The following NRXN3 variants were observed in gnomAD, a reference collection of about 807,000 sequenced individuals.
NRXN3 encodes neurexin 3, also known as neurexin III.
A neutral mutation model predicts 137.6 loss-of-function variants in NRXN3; 32 were observed. The observed-to-expected ratio is 0.23, with a 90% confidence interval of 0.18 to 0.31. The LOEUF is 0.31. Among genes scored for constraint, NRXN3 ranks in the 10% least tolerant of loss-of-function variants. The probability of loss-of-function intolerance (pLI) is 1.00; values close to 1 mark genes in which losing one functional copy is unlikely to be tolerated. For synonymous variants in NRXN3, 798 were observed against 784.5 expected (o/e 1.02, Z -0.29); for missense variants, 1,574 against 2,062.5 (o/e 0.76, Z 4.59).
At chr14:78,907,497 C>T (rs2099221690) in intron 10 of NRXN3, among the ~76,000 whole-genome samples, 1 of 151,962 alleles carries the variant, frequency 6.6e-6, no homozygotes, top group African/African-American at 2.4e-5. Flanking sequence ...GGAACACTTT[C>T]CAACTTGTAT....
At chr14:78,326,017 A>G (rs1567267687) in intron 4 of NRXN3, among the ~76,000 whole-genome samples, 2 of 152,180 alleles carry the variant, frequency 1.3e-5, no homozygotes, top group African/African-American at 4.8e-5. Context: ...AAACCCCCTT[A>G]GTCCTGGGCA....
At chr14:78,458,421 A>G (rs1003487073) in intron 4 of NRXN3, among the ~76,000 whole-genome samples, 2 of 152,180 alleles carry the variant, frequency 1.3e-5, no homozygotes, top group African/African-American at 2.4e-5. Context: ...GGCAGCCATC[A>G]CTAATTAATT....
At chr14:78,213,303 G>A (rs936590687) in intron 1 of NRXN3, among the ~76,000 whole-genome samples, 2 of 152,114 alleles carry the variant, frequency 1.3e-5, no homozygotes, top group Non-Finnish European at 2.9e-5. Flanking sequence ...AGGGGAATTA[G>A]GATGAGTTCT....
chr14:78,905,252 C>T (rs2099211975), intron 10 of NRXN3, among the ~76,000 whole-genome samples: 1 of 152,148 alleles, frequency 6.6e-6, no homozygotes, highest in Non-Finnish European at 1.5e-5. Context: ...ATATCATATT[C>T]TTAAGACCTG....
intron 1 of NRXN3, among the ~76,000 whole-genome samples, chr14:78,202,698 T>G (rs1346443019): frequency 1.3e-5 from 2 of 152,190 alleles, no homozygotes; most frequent in Non-Finnish European, 2.9e-5. Flanking sequence ...AAAACTTGGT[T>G]GCTGTGGGTG....
intron 16 of NRXN3, among the ~76,000 whole-genome samples, chr14:79,548,446 C>A (rs139486057): frequency 6.6e-6 from 1 of 152,064 alleles, no homozygotes; most frequent in Non-Finnish European, 1.5e-5. Context: ...CATTGATAGA[C>A]ATTTGGGTTT....
At chr14:79,769,166 C>T (rs531070157) in intron 19 of NRXN3, among the ~76,000 whole-genome samples, 4,980 of 130,416 alleles carry the variant, frequency 0.038, 170 homozygotes, top group Middle Eastern at 0.12. Flanking sequence ...CTGAAAGTGA[C>T]CGGGAGAATG....
chr14:78,196,302 C>T (rs1449841798), intron 1 of NRXN3, among the ~76,000 whole-genome samples: 1 of 152,230 alleles, frequency 6.6e-6, no homozygotes, highest in Non-Finnish European at 1.5e-5. Context: ...TAGACAAGGG[C>T]TCCTTAAAAG....
chr14:79,055,729 T>G (rs2152615952), intron 15 of NRXN3, among the ~76,000 whole-genome samples: 1 of 152,240 alleles, frequency 6.6e-6, no homozygotes, highest in Non-Finnish European at 1.5e-5. Flanking sequence ...AAATGATAAC[T>G]TAGGTCCTGG....
At chr14:79,327,949 A>G (rs1403209664) in intron 15 of NRXN3, among the ~76,000 whole-genome samples, 2 of 152,110 alleles carry the variant, frequency 1.3e-5, no homozygotes, top group Non-Finnish European at 2.9e-5. Flanking sequence ...TTTTCTTGAT[A>G]TCTTTCCCTT....
At chr14:79,747,884 T>C (rs1173875541) in intron 19 of NRXN3, among the ~76,000 whole-genome samples, 1 of 152,108 alleles carries the variant, frequency 6.6e-6, no homozygotes, top group Admixed American at 6.6e-5. Context: ...TGAAACTCTG[T>C]CTTAGTTTCA....
chr14:79,567,243 A>T, intron 16 of NRXN3, among the ~76,000 whole-genome samples: 1 of 151,942 alleles, frequency 6.6e-6, no homozygotes, highest in East Asian at 1.9e-4. Context: ...GTTCAAATTG[A>T]CATGAATTTT....
At chr14:79,212,714 G>A (rs577945077) in intron 15 of NRXN3, among the ~76,000 whole-genome samples, 110 of 152,222 alleles carry the variant, frequency 7.2e-4, no homozygotes, top group Middle Eastern at 3.4e-3. Context: ...GTGCCCAAAT[G>A]AGTGTTGGAA....
intron 16 of NRXN3, chr14:79,572,694 G>T (rs1403025482): frequency 3.9e-5 from 6 of 152,154 alleles, no homozygotes; most frequent in Non-Finnish European, 8.8e-5. Context: ...TAATAAATGA[G>T]AACCTATCTT....
intron 1 of NRXN3, among the ~76,000 whole-genome samples, chr14:78,238,450 C>A (rs2066637599): frequency 6.6e-6 from 1 of 152,110 alleles, no homozygotes; most frequent in Non-Finnish European, 1.5e-5. Context: ...CTCCCTGGCT[C>A]CCGTTTTGCC....
chr14:78,271,690 T>A (rs557470133), intron 2 of NRXN3, among the ~76,000 whole-genome samples: 2 of 152,318 alleles, frequency 1.3e-5, no homozygotes, highest in African/African-American at 2.4e-5. Context: ...GGCCGCTGCC[T>A]GCCCAGGCTG....
intron 10 of NRXN3, among the ~76,000 whole-genome samples, chr14:78,932,894 T>C (rs1181507111): frequency 6.6e-6 from 1 of 152,200 alleles, no homozygotes; most frequent in East Asian, 1.9e-4. Context: ...TTCTATGTCC[T>C]AGTCAGAGTT....
At chr14:79,316,504 G>C (rs752040943) in intron 15 of NRXN3, among the ~76,000 whole-genome samples, 1 of 152,204 alleles carries the variant, frequency 6.6e-6, no homozygotes, top group African/African-American at 2.4e-5. Flanking sequence ...TGTGGAAAGA[G>C]GGGAAAGGGA....
chr14:79,819,073 A>G (rs1259935215), intron 20 of NRXN3, among the ~76,000 whole-genome samples: 3 of 152,312 alleles, frequency 2.0e-5, no homozygotes, highest in African/African-American at 7.2e-5. Flanking sequence ...GCAATACTGT[A>G]TTGCCCAGTG....
Sources: gnomAD v4.1 joint callset for allele counts (sites outside exome capture counted in the v4.1 genomes callset) on GRCh38, gnomAD v4.1.1 for gene constraint, MANE v1.5 for transcripts, NCBI Gene and HGNC (gene_info 2026-07-23, HGNC 2026-07-21) for gene names.